Variants in FNDC3B observed in about 807,000 individuals in gnomAD.
FNDC3B encodes fibronectin type III domain containing 3B, also known as fibronectin type III domain-containing protein 3B.
FNDC3B carries 12 observed loss-of-function variants against 151.5 expected under a neutral mutation model. That is an observed-to-expected ratio of 0.08 (90% CI 0.05 to 0.13). FNDC3B has a LOEUF of 0.13. Ranked by LOEUF, FNDC3B falls within the 10% of genes least tolerant of loss-of-function variation. FNDC3B has a pLI of 1.00. For synonymous variants in FNDC3B, 528 were observed against 549.0 expected, an observed-to-expected ratio of 0.96 and a Z score of 0.54; for missense variants, 1,214 against 1,505.3, an observed-to-expected ratio of 0.81 and a Z score of 3.20.
At chr3:172,341,734 T>C (rs1002803243) in intron 17 of FNDC3B, among the ~76,000 whole-genome samples, 7 of 152,202 alleles carry the variant, frequency 4.6e-5, no homozygotes, top group Non-Finnish European at 1.0e-4. Flanking sequence ...GAGTGGCACC[T>C]CCTGAAGTTG....
chr3:172,316,000 C>CTTCT (rs1731767018), intron 11 of FNDC3B, among the ~76,000 whole-genome samples: 1 of 79,884 alleles, frequency 1.3e-5, no homozygotes, highest in Non-Finnish European at 2.6e-5. Context: ...CTTTCTTCTT[C>CTTCT]TTTTTTTTTT....
intron 11 of FNDC3B, among the ~76,000 whole-genome samples, chr3:172,323,028 T>TTTTGTTTGTTTGTTTGTTTG (rs56787564): frequency 2.2e-4 from 34 of 151,732 alleles, no homozygotes; most frequent in African/African-American, 8.0e-4. Context: ...GTGTTTTAGT[T>TTTTGTTTGTTTGTTTGTTTG]TTTGTTTGTT....
rs495702 is a variant in FNDC3B, at chr3:172,397,850, A to T, written c.*375A>T. On this transcript the variant is annotated 3_prime_UTR_variant, in exon 26 of 26. Transcript: ENST00000415807. ...GTAATTTATATTCACCAGTCACTTCATATGTCTTGAACATCTGTATCTGTA... is the reference window on the plus strand; with the variant it reads ...GTAATTTATATTCACCAGTCACTTCTTATGTCTTGAACATCTGTATCTGTA... 0.77 allele frequency: 122,042 copies of T among 158,268 alleles called. 47,273 individuals are homozygous for T. Among genetic ancestry groups the T allele is most frequent in the East Asian group, 0.88 (4,638 of 5,246 alleles). The allele number at this position is 158,268 out of a possible 1,614,324, so 9.8% of individuals were successfully genotyped here. A position where few individuals can be genotyped will look rare whatever the true frequency, so the allele number is the denominator to read the frequency against.
chr3:172,166,136 T>A (rs560495156), intron 3 of FNDC3B, among the ~76,000 whole-genome samples: 1 of 152,318 alleles, frequency 6.6e-6, no homozygotes, highest in East Asian at 1.9e-4. Context: ...GCAAATTTGC[T>A]TTACATTGGT....
chr3:172,067,946 C>G (rs1312834918), intron 1 of FNDC3B, among the ~76,000 whole-genome samples: 1 of 152,178 alleles, frequency 6.6e-6, no homozygotes, highest in Non-Finnish European at 1.5e-5. Context: ...AGGCCATCAT[C>G]ATCTTCTCCC....
intron 22 of FNDC3B, among the ~76,000 whole-genome samples, chr3:172,356,371 T>G (rs1734098205): frequency 6.6e-6 from 1 of 152,238 alleles, no homozygotes; most frequent in Admixed American, 6.5e-5. Flanking sequence ...GTTGGGTATT[T>G]TGATAAGAGG....
intron 1 of FNDC3B, among the ~76,000 whole-genome samples, chr3:172,074,463 C>T (rs1717915055): frequency 6.6e-6 from 1 of 152,200 alleles, no homozygotes; most frequent in African/African-American, 2.4e-5. Context: ...AACTTAAAGA[C>T]ATCAGATTAG....
chr3:172,084,470 T>TACACACACACACACACACAC (rs774135456), intron 1 of FNDC3B, among the ~76,000 whole-genome samples: 30 of 46,600 alleles, frequency 6.4e-4, no homozygotes, highest in East Asian at 3.8e-3. Context: ...TATGTATATG[T>TACACACACACACACACACAC]ATACACACAC....
At chr3:172,306,119 T>C (rs1731185075) in intron 9 of FNDC3B, among the ~76,000 whole-genome samples, 1 of 152,212 alleles carries the variant, frequency 6.6e-6, no homozygotes, top group Non-Finnish European at 1.5e-5. Context: ...TTTTTCATGA[T>C]GGACTTTGTG....
intron 3 of FNDC3B, among the ~76,000 whole-genome samples, chr3:172,143,665 C>T (rs1017747079): frequency 6.6e-6 from 1 of 152,108 alleles, no homozygotes; most frequent in Admixed American, 6.5e-5. Context: ...AATCCCAGCA[C>T]TTTGGGAGGC....
At chr3:172,320,418 G>A (rs1732025017) in intron 11 of FNDC3B, among the ~76,000 whole-genome samples, 1 of 151,916 alleles carries the variant, frequency 6.6e-6, no homozygotes, top group Non-Finnish European at 1.5e-5. Context: ...GGAGGACAGT[G>A]GAAAGATACC....
At chr3:172,323,927 G>A (rs759040663) in intron 11 of FNDC3B, among the ~76,000 whole-genome samples, 4 of 152,154 alleles carry the variant, frequency 2.6e-5, no homozygotes, top group African/African-American at 4.8e-5. Context: ...TATTCTAAGC[G>A]TTACTAGGCT....
chr3:172,355,900 A>C (rs55637490), intron 22 of FNDC3B, among the ~76,000 whole-genome samples: 8,077 of 152,284 alleles, frequency 0.053, 310 homozygotes, highest in Middle Eastern at 0.088. Flanking sequence ...GGCTCAGAGC[A>C]GACCAGGACT....
At chr3:172,345,372 T>C (rs1214679193) in intron 19 of FNDC3B, among the ~76,000 whole-genome samples, 1 of 152,216 alleles carries the variant, frequency 6.6e-6, no homozygotes, top group Non-Finnish European at 1.5e-5. Flanking sequence ...ACAACAAAGA[T>C]AAATGTGCAA....
intron 6 of FNDC3B, among the ~76,000 whole-genome samples, chr3:172,267,664 C>T (rs1470732990): frequency 6.6e-6 from 1 of 152,084 alleles, no homozygotes; most frequent in African/African-American, 2.4e-5. Context: ...TGGCATTTCC[C>T]AAGAAGAAGT....
rs377230486 is a variant in FNDC3B, at chr3:172,381,166, T to A, written c.3303+73T>A. The A allele has an allele frequency of 2.1e-5, 32 of 1,528,364 alleles. 1 individual carries two copies. In the East Asian group the frequency reaches 5.0e-4, roughly 24 times the overall value. 94.7% of individuals were successfully genotyped at this position (1,528,364 alleles called of 1,614,324 possible). On this transcript the variant is annotated intron_variant, in intron 25 of 25. Coordinates refer to ENST00000415807, the MANE Select transcript of FNDC3B (RefSeq NM_022763.4). ...CCATGCCTCTGCTTATTGCTATGAA[T>A]GACTCAGTGAACTATGTTTTTCTTA...
At chr3:172,332,473 T>C (rs1227482689) in intron 13 of FNDC3B, among the ~76,000 whole-genome samples, 1 of 152,210 alleles carries the variant, frequency 6.6e-6, no homozygotes, top group Non-Finnish European at 1.5e-5. Flanking sequence ...AATGTGAGCT[T>C]CTTGTGGGCA....
intron 13 of FNDC3B, among the ~76,000 whole-genome samples, chr3:172,332,020 G>T (rs1358629101): frequency 5.3e-5 from 8 of 152,156 alleles, no homozygotes; most frequent in Non-Finnish European, 7.4e-5. Flanking sequence ...GTCCAGGCTG[G>T]AGTGCGGTGG....
At chr3:172,127,038 A>G in intron 2 of FNDC3B, 1 of 456,720 alleles carries the variant, frequency 2.2e-6, no homozygotes, top group Non-Finnish European at 4.4e-6. Flanking sequence ...ATGTTTACCA[A>G]AGAGAAAATC....
Sources: allele counts gnomAD v4.1 joint callset (sites outside exome capture counted in the v4.1 genomes callset), GRCh38; gene constraint gnomAD v4.1.1; transcripts MANE v1.5; gene names NCBI Gene and HGNC (gene_info 2026-07-23, HGNC 2026-07-21).